KCNG4: variants seen among roughly 807,000 people sequenced by gnomAD.
KCNG4 encodes the protein voltage-gated potassium channel regulatory subunit KCNG4.
A neutral mutation model predicts 28.2 loss-of-function variants in KCNG4; 30 were observed. That is an observed-to-expected ratio of 1.06 (90% CI 0.80 to 1.44). The LOEUF (loss-of-function observed/expected upper bound fraction) is 1.44, where lower values mean the gene tolerates loss of function less well. Ranked by LOEUF, KCNG4 falls within the 40% of genes most tolerant of loss-of-function variation. The pLI, the probability that KCNG4 is intolerant of heterozygous loss-of-function variation, is 0.00. For missense variants in KCNG4, 879 were observed against 712.3 expected (o/e 1.23, Z -2.66); for synonymous variants, 375 against 315.5 (o/e 1.19, Z -2.00).
At chr16:84,232,127 A>T (rs2151338845) in intron 2 of KCNG4, among the ~76,000 whole-genome samples, 1 of 151,796 alleles carries the variant, frequency 6.6e-6, no homozygotes, top group South Asian at 2.1e-4. Context: ...TGTTCCTTGG[A>T]GGTGGGGGTC....
chr16:84,237,617 G>A (rs554997052), intron 1 of KCNG4, 92 bp from the exon 2 acceptor site: 47 of 845,002 alleles, frequency 5.6e-5, no homozygotes, highest in African/African-American at 4.1e-4. Flanking sequence ...ATGTTCTTAC[G>A]TGTGCTTTCC....
At chr16:84,232,811 A>G (rs1597619968) in intron 2 of KCNG4, among the ~76,000 whole-genome samples, 1 of 144,014 alleles carries the variant, frequency 6.9e-6, no homozygotes, top group Non-Finnish European at 1.5e-5. Context: ...AGGCGGGAGG[A>G]TTGCTTGAAC....
rs757375252 is a variant in KCNG4 at position 84,236,860 on chromosome 16, T to C, written c.626A>G (p.Glu209Gly). Residue 209 changes from glutamate to glycine, a missense_variant, in exon 2 of 3, where the codon GAG becomes GGG. Glu to Gly is a moderately conservative substitution (Grantham distance 98). Coordinates refer to ENST00000308251, the MANE Select transcript of KCNG4 (RefSeq NM_172347.3). Reference sequence around the variant, plus strand: ...CCCGGACTGCGGGTTTTCCACCATCTCGCGCAGCCGGTTCATGCACAGGCC... The same window carrying C: ...CCCGGACTGCGGGTTTTCCACCATCCCGCGCAGCCGGTTCATGCACAGGCC... ...RWGLCMNRLR[E>G]MVENPQSGLP... The C allele has an allele frequency of 6.2e-7, 1 of 1,613,490 alleles. No individual in the cohort carries two copies. The highest frequency in any genetic ancestry group is 1.1e-5 in the South Asian group (1 of 91,080).
At chr16:84,237,597 AC>A in intron 1 of KCNG4, 72 bp from the exon 2 acceptor site, 2 of 1,046,938 alleles carry the variant, frequency 1.9e-6, no homozygotes, top group African/African-American at 1.6e-5. Flanking sequence ...CCTGGATGTC[AC>A]GACTGCAGAT....
intron 2 of KCNG4, chr16:84,236,417 A>G: frequency 2.2e-6 from 1 of 452,180 alleles, no homozygotes; most frequent in Non-Finnish European, 3.9e-6. Flanking sequence ...GTAGTCACAG[A>G]CTCGGGAGAG....
intron 2 of KCNG4, 90 bp downstream of exon 2, chr16:84,236,640 A>G (rs1421268313): frequency 7.7e-7 from 1 of 1,295,806 alleles, no homozygotes; most frequent in African/African-American, 1.5e-5. Flanking sequence ...TTATTTTAAG[A>G]TCTGAAGACA....
In KCNG4 at chr16:84,226,900, C is replaced by T. The variant is rs1904711093; in HGVS notation, c.757-3880G>A. Among the ~76,000 whole-genome samples the T allele has an allele frequency of 6.6e-6, 1 of 151,604 alleles. No homozygotes were observed. Among genetic ancestry groups the T allele is most frequent in the Non-Finnish European group, 1.5e-5 (1 of 67,890 alleles). On this transcript the variant is annotated intron_variant, in intron 2 of 2. Coordinates refer to ENST00000308251, the MANE Select transcript of KCNG4 (RefSeq NM_172347.3). This position sits in a 1 kb window ranked among gnomAD's most constrained non-coding sequence, Gnocchi z 4.1. Reference sequence around the variant, plus strand: ...TCTCAAAGACAAACATACACAAAAGCGGCAGAATATTGACCATTGTGTGTA... The same window carrying T: ...TCTCAAAGACAAACATACACAAAAGTGGCAGAATATTGACCATTGTGTGTA...
rs778840359 is a variant in KCNG4 at position 84,236,906 on chromosome 16, C to T, written c.580G>A (p.Ala194Thr). Residue 194 changes from alanine to threonine, a missense_variant, in exon 2 of 3, where the codon GCC becomes ACC. Transcript: ENST00000308251. ...AGGCCCCAGCGCGAGGAGTGCGAGG[C>T]GGGGCGGCGGGTCTCCCTCTGCTGC... ...LRQQRETRRPASHSSRWGLCM... is the reference protein window; with the variant it reads ...LRQQRETRRPTSHSSRWGLCM... 2.5e-6 allele frequency: 4 copies of T among 1,613,380 alleles called. No homozygotes were observed. Among genetic ancestry groups the T allele is most frequent in the East Asian group, 2.2e-5 (1 of 44,870 alleles).
Position 84,222,430 on chromosome 16 carries a change from CG to C in KCNG4, c.1346del (p.Pro449ArgfsTer53), listed in dbSNP as rs1208463182. The C allele has an allele frequency of 6.2e-7, 1 of 1,613,986 alleles. No individual in the cohort carries two copies. Among genetic ancestry groups the C allele is most frequent in the Non-Finnish European group, 8.5e-7 (1 of 1,180,038 alleles). On this transcript the variant is annotated frameshift_variant, in exon 3 of 3. Transcript: ENST00000308251. LOFTEE classifies it low-confidence loss of function (END_TRUNC). Reference sequence around the variant, plus strand: ...AGAAGGTGTGGAAGATAGACGTGGCCGGGAAGGCCATGATGAGGATCCCGCT... The same window carrying C: ...AGAAGGTGTGGAAGATAGACGTGGCCGGAAGGCCATGATGAGGATCCCGCT... ...ILSGILIMAF[P>X]ATSIFHTFSH... is the part of the protein sequence containing the mutation.
chr16:84,228,883 G>A lies in KCNG4; in HGVS notation c.757-5863C>T, dbSNP rs149725912. On this transcript the variant is annotated intron_variant, in intron 2 of 2. Coordinates refer to ENST00000308251, the MANE Select transcript of KCNG4 (RefSeq NM_172347.3). ...TTCTCTTCCTCCTCAGTCCTCTCCC[G>A]CTGCTGCCCTCCGGTTCATGCCCTG... Among the ~76,000 whole-genome samples, 381 of 152,338 alleles carry A rather than the reference G, an allele frequency of 2.5e-3. 1 individual carries two copies. The highest frequency in any genetic ancestry group is 8.8e-3 in the African/African-American group (365 of 41,582).
At chr16:84,233,408 A>C (rs1340290172) in intron 2 of KCNG4, among the ~76,000 whole-genome samples, 1 of 152,212 alleles carries the variant, frequency 6.6e-6, no homozygotes, top group Non-Finnish European at 1.5e-5. Flanking sequence ...AGTGGCCCAG[A>C]ATTGAAAGTT....
intron 1 of KCNG4, among the ~76,000 whole-genome samples, chr16:84,238,975 C>T (rs961855103): frequency 2.6e-5 from 4 of 152,182 alleles, no homozygotes; most frequent in Non-Finnish European, 5.9e-5. Context: ...AGCCACTTCA[C>T]ATATTTAAAA....
chr16:84,234,919 G>A (rs771814631), intron 2 of KCNG4, among the ~76,000 whole-genome samples: 8 of 152,114 alleles, frequency 5.3e-5, no homozygotes, highest in Admixed American at 2.0e-4. Flanking sequence ...TTATCTAAAC[G>A]GAAACACAGA....
intron 1 of KCNG4, among the ~76,000 whole-genome samples, chr16:84,238,550 C>G (rs963217946): frequency 1.3e-5 from 2 of 152,190 alleles, no homozygotes; most frequent in Non-Finnish European, 2.9e-5. Context: ...GTTACTCCCC[C>G]TCTCTGGGCC....
Position 84,223,037 on chromosome 16 carries a change from C to A in KCNG4, c.757-17G>T. On this transcript the variant is annotated splice_polypyrimidine_tract_variant and intron_variant, in intron 2 of 2. Coordinates refer to ENST00000308251, the MANE Select transcript of KCNG4 (RefSeq NM_172347.3). The stretch of plus-strand genomic sequence containing the variant: ...GCATTCGCCCTGCGGGGAGAAGAGG[C>A]AACAACGCGGGGTAGAGAGTGGACT... 1 of 1,512,870 alleles carries A rather than the reference C, an allele frequency of 6.6e-7. No individual in the cohort carries two copies. The highest frequency in any genetic ancestry group is 8.9e-7 in the Non-Finnish European group (1 of 1,129,480). 93.7% of individuals were successfully genotyped at this position (1,512,870 alleles called of 1,614,324 possible).
chr16:84,237,567 T>G, intron 1 of KCNG4, 42 bp from the exon 2 acceptor site: 1 of 1,377,128 alleles, frequency 7.3e-7, no homozygotes, highest in Non-Finnish European at 9.5e-7. Flanking sequence ...GGAAGGGAAA[T>G]CAGTCTTGGG....
At position 84,226,382 on chromosome 16, in the gene KCNG4, G is replaced by C. The variant is rs963721902; in HGVS notation, c.757-3362C>G. 3.3e-5 allele frequency among the ~76,000 whole-genome samples: 5 copies of C among 152,160 alleles called. No individual in the cohort carries two copies. The highest frequency in any genetic ancestry group is 4.4e-5 in the Non-Finnish European group (3 of 68,028). On this transcript the variant is annotated intron_variant, in intron 2 of 2. Coordinates refer to ENST00000308251, the MANE Select transcript of KCNG4 (RefSeq NM_172347.3). This position sits in a 1 kb window ranked among gnomAD's most constrained non-coding sequence, Gnocchi z 4.1. ...AGGGATGGCCTGTGAAGGGCCACGA[G>C]GGAGCTTTCTGGGGTCACAGAAATA... is the stretch of plus-strand genomic sequence containing the variant.
rs1382606467 is a variant in KCNG4, at chr16:84,220,376, G to C, written c.*1841C>G. ...CCTGGAGGACTCCAAGGAAAGGCAG[G>C]CTCGCCAGGAGGCCAAGGCTCCCTG... is the stretch of plus-strand genomic sequence containing the variant. On this transcript the variant is annotated 3_prime_UTR_variant, in exon 3 of 3. Transcript: ENST00000308251. 1 of 152,262 alleles carries C rather than the reference G, an allele frequency of 6.6e-6. No individual in the cohort carries two copies. The highest frequency in any genetic ancestry group is 1.5e-5 in the Non-Finnish European group (1 of 68,102). The allele number at this position is 152,262 out of a possible 1,614,324, so 9.4% of individuals were successfully genotyped here.
Position 84,223,025 on chromosome 16 carries a change from G to T in KCNG4, c.757-5C>A. On this transcript the variant is annotated splice_polypyrimidine_tract_variant and splice_region_variant and intron_variant, in intron 2 of 2. Transcript: ENST00000308251. ...GCACTTCCGAGAGCATTCGCCCTGC[G>T]GGGAGAAGAGGCAACAACGCGGGGT... 6.6e-7 allele frequency: 1 copy of T among 1,517,372 alleles called. No individual in the cohort carries two copies. Among genetic ancestry groups the T allele is most frequent in the South Asian group, 1.3e-5 (1 of 75,174 alleles). The allele number at this position is 1,517,372 out of a possible 1,614,324, so 94.0% of individuals were successfully genotyped here. A position where few individuals can be genotyped will look rare whatever the true frequency, so the allele number is the denominator to read the frequency against.
Sources: allele counts gnomAD v4.1 joint callset (sites outside exome capture counted in the v4.1 genomes callset), GRCh38; gene constraint gnomAD v4.1.1; non-coding constraint Gnocchi (gnomAD v3.1); transcripts MANE v1.5; gene names NCBI Gene and HGNC (gene_info 2026-07-23, HGNC 2026-07-21).